Variants in ZNF469 observed in about 807,000 individuals in gnomAD.
ZNF469 encodes zinc finger protein 469.
Under a neutral mutation model 1.0 loss-of-function variants are expected in ZNF469, and 1 was observed. The ratio of observed to expected loss-of-function variants is 1.00; its 90% confidence interval spans 0.35 to 4.73. The LOEUF is 4.73. Among genes scored for constraint, ZNF469 ranks in the 30% most tolerant of loss-of-function variants. ZNF469 has a pLI of 0.16. For synonymous variants in ZNF469, 2,703 were observed against 2,363.4 expected (o/e 1.14, Z -4.17); for missense variants, 6,100 against 5,356.3 (o/e 1.14, Z -4.33).
chr16:88,275,880 G>C, the ZNF469 span, among the ~76,000 whole-genome samples: 2 of 152,116 alleles, frequency 1.3e-5, no homozygotes, highest in Non-Finnish European at 2.9e-5. Flanking sequence ...CCAGCCCCTG[G>C]CTCACACAGC....
At chr16:88,108,718 T>A in the ZNF469 span, among the ~76,000 whole-genome samples, 1 of 152,190 alleles carries the variant, frequency 6.6e-6, no homozygotes, top group Non-Finnish European at 1.5e-5. Context: ...CCTTGCCCAC[T>A]GTATGGGGGG....
chr16:88,259,340 C>A, the ZNF469 span, among the ~76,000 whole-genome samples: 1 of 151,976 alleles, frequency 6.6e-6, no homozygotes, highest in Non-Finnish European at 1.5e-5. The surrounding 1 kb of genome is among the most constrained non-coding windows in gnomAD (Gnocchi z 4.1). Context: ...CATCCCGCGC[C>A]CCCATCCCTC....
the ZNF469 span, among the ~76,000 whole-genome samples, chr16:88,137,594 G>T: frequency 6.6e-6 from 1 of 152,188 alleles, no homozygotes; most frequent in Non-Finnish European, 1.5e-5. Flanking sequence ...ATACAACTGT[G>T]CATGAATACA....
At chr16:88,117,260 G>T in the ZNF469 span, among the ~76,000 whole-genome samples, 1 of 151,448 alleles carries the variant, frequency 6.6e-6, no homozygotes, top group Non-Finnish European at 1.5e-5. Context: ...AGCCGGGGAC[G>T]TGTGAGAGCT....
chr16:88,283,072 A>G, the ZNF469 span, among the ~76,000 whole-genome samples: 2 of 152,146 alleles, frequency 1.3e-5, no homozygotes, highest in Non-Finnish European at 1.5e-5. Context: ...CCCATTTCTA[A>G]TTATTCAAGA....
the ZNF469 span, among the ~76,000 whole-genome samples, chr16:88,286,782 T>C: frequency 2.0e-5 from 3 of 152,190 alleles, no homozygotes; most frequent in Non-Finnish European, 4.4e-5. Flanking sequence ...GGACAGATAC[T>C]GCCCTGTGGC....
At chr16:88,237,243 C>T in the ZNF469 span, among the ~76,000 whole-genome samples, 3 of 2,140 alleles carry the variant, frequency 1.4e-3, no homozygotes, top group African/African-American at 1.6e-3. Context: ...GCTCCTGCCA[C>T]GCACCCTCCC....
At chr16:88,188,133 T>C in the ZNF469 span, among the ~76,000 whole-genome samples, 13 of 152,116 alleles carry the variant, frequency 8.5e-5, no homozygotes, top group African/African-American at 3.1e-4. Flanking sequence ...CCTCTGCCCG[T>C]GCCGTGACCC....
chr16:88,273,445 A>G, the ZNF469 span, among the ~76,000 whole-genome samples: 2 of 152,004 alleles, frequency 1.3e-5, no homozygotes, highest in Non-Finnish European at 2.9e-5. Context: ...ACACTGACAT[A>G]CCACCTCACG....
chr16:88,282,111 A>C, the ZNF469 span, among the ~76,000 whole-genome samples: 1 of 152,190 alleles, frequency 6.6e-6, no homozygotes, highest in South Asian at 2.1e-4. Context: ...TCCATGGCAG[A>C]TAAGGAAATG....
the ZNF469 span, among the ~76,000 whole-genome samples, chr16:88,263,904 C>T: frequency 6.6e-6 from 1 of 152,072 alleles, no homozygotes; most frequent in Non-Finnish European, 1.5e-5. Flanking sequence ...CCCCTTCCTG[C>T]TGACCTGCGT....
chr16:88,187,900 C>CT, the ZNF469 span, among the ~76,000 whole-genome samples: 1 of 152,058 alleles, frequency 6.6e-6, no homozygotes, highest in African/African-American at 2.4e-5. Context: ...GCTGTTGTCT[C>CT]TTTTTCCCCA....
chr16:88,438,462 C>A lies in ZNF469; in HGVS notation c.10992C>A (p.Ala3664=). 2 of 1,550,144 alleles carry A rather than the reference C, an allele frequency of 1.3e-6. No individual in the cohort carries two copies. Among genetic ancestry groups the A allele is most frequent in the South Asian group, 2.4e-5 (2 of 84,070 alleles). The part of the protein sequence containing the change: ...HMVSEGGPRG[A]FHKGSATKPA... ...TGTCTGAGGGGGGGCCCCGAGGCGC[C>A]TTCCACAAGGGCAGCGCCACCAAGC... The change falls in exon 3 of 3, where the codon GCC becomes GCA. Residue 3664 remains alanine, a synonymous_variant. Coordinates refer to ENST00000565624, the MANE Select transcript of ZNF469 (RefSeq NM_001367624.2).
chr16:88,227,700 G>A, the ZNF469 span, among the ~76,000 whole-genome samples: 113,645 of 151,814 alleles, frequency 0.75, 44,409 homozygotes, highest in Middle Eastern at 0.88. Flanking sequence ...CTGTGTTGAC[G>A]TCCCCAACAA....
chr16:88,377,457 T>C, the ZNF469 span, among the ~76,000 whole-genome samples: 1 of 152,270 alleles, frequency 6.6e-6, no homozygotes, highest in South Asian at 2.1e-4. Context: ...CAGGACGCCC[T>C]CGAGGCCACC....
the ZNF469 span, among the ~76,000 whole-genome samples, chr16:88,313,009 C>A: frequency 6.6e-6 from 1 of 152,192 alleles, no homozygotes; most frequent in African/African-American, 2.4e-5. Flanking sequence ...ATTGACTCTG[C>A]AGCCTGATCT....
At chr16:88,326,552 C>G in the ZNF469 span, among the ~76,000 whole-genome samples, 3 of 152,216 alleles carry the variant, frequency 2.0e-5, no homozygotes, top group Non-Finnish European at 4.4e-5. Flanking sequence ...GCACCCAAGG[C>G]CCAGGGCAGT....
the ZNF469 span, among the ~76,000 whole-genome samples, chr16:88,331,470 C>T: frequency 1.3e-5 from 2 of 150,500 alleles, no homozygotes; most frequent in East Asian, 4.0e-4. Context: ...ATCACTACCA[C>T]CATCATCACC....
Position 88,433,270 on chromosome 16 carries a change from C to A in ZNF469, c.5800C>A (p.Arg1934=), listed in dbSNP as rs1248028929. Residue 1934 remains arginine, a synonymous_variant, in exon 3 of 3, where the codon CGA becomes AGA. Coordinates refer to ENST00000565624, the MANE Select transcript of ZNF469 (RefSeq NM_001367624.2). ...ELTPAAQSPP[R]VNPSGLEGGT... ...GACACCTGCTGCCCAGAGCCCTCCA[C>A]GAGTGAACCCCTCAGGTCTGGAAGG... 6.5e-7 allele frequency: 1 copy of A among 1,550,232 alleles called. No homozygotes were observed. The highest frequency in any genetic ancestry group is 2.4e-5 in the East Asian group (1 of 40,934).
Sources: allele counts gnomAD v4.1 joint callset (sites outside exome capture counted in the v4.1 genomes callset), GRCh38; gene constraint gnomAD v4.1.1; non-coding constraint Gnocchi (gnomAD v3.1); transcripts MANE v1.5; gene names NCBI Gene and HGNC (gene_info 2026-07-23, HGNC 2026-07-21).